Variants in ASAP1 observed in about 807,000 individuals in gnomAD.
The protein encoded by ASAP1 is arf-GAP with SH3 domain, ANK repeat and PH domain-containing protein 1.
Under a neutral mutation model 145.2 loss-of-function variants are expected in ASAP1, and 43 were observed. The observed-to-expected ratio is 0.30, with a 90% CI of 0.23 to 0.38. The LOEUF (loss-of-function observed/expected upper bound fraction) is 0.38, where lower values mean the gene tolerates loss of function less well. Among genes scored for constraint, ASAP1 ranks in the 10% least tolerant of loss-of-function variants. The pLI is 1.00. For synonymous variants in ASAP1, 546 were observed against 515.5 expected (o/e 1.06, Z -0.80); for missense variants, 1,018 against 1,355.3 (o/e 0.75, Z 3.91).
At chr8:130,132,575 G>A (rs1205255831) in intron 15 of ASAP1, among the ~76,000 whole-genome samples, 1 of 152,138 alleles carries the variant, frequency 6.6e-6, no homozygotes, top group Non-Finnish European at 1.5e-5. Context: ...GAGGGTGTGT[G>A]CCCCGAGTCT....
intron 3 of ASAP1, among the ~76,000 whole-genome samples, chr8:130,308,912 T>C (rs562648225): frequency 1.4e-4 from 21 of 152,028 alleles, no homozygotes; most frequent in Admixed American, 3.3e-4. Context: ...CACGGTGGTG[T>C]GCGCCTCAAA....
chr8:130,376,843 C>T (rs1218779060), intron 2 of ASAP1, among the ~76,000 whole-genome samples: 2 of 127,580 alleles, frequency 1.6e-5, no homozygotes, highest in Non-Finnish European at 3.1e-5. Flanking sequence ...GCAGAGGTTG[C>T]GGTGAGATGA....
At chr8:130,064,723 C>G (rs916338084) in intron 27 of ASAP1, among the ~76,000 whole-genome samples, 4 of 152,138 alleles carry the variant, frequency 2.6e-5, no homozygotes, top group Non-Finnish European at 5.9e-5. Context: ...GAGGCTCAGT[C>G]CCCCAGAATG....
chr8:130,302,879 T>C (rs905890814), intron 3 of ASAP1, among the ~76,000 whole-genome samples: 1 of 152,200 alleles, frequency 6.6e-6, no homozygotes, highest in African/African-American at 2.4e-5. Flanking sequence ...AAAGTTCTTC[T>C]TCCTGTGGAA....
chr8:130,341,049 A>ACAGT, intron 3 of ASAP1: 1 of 382,384 alleles, frequency 2.6e-6, no homozygotes, highest in South Asian at 2.0e-5. Context: ...TAAATGTGAT[A>ACAGT]CAGTAACACC....
intron 3 of ASAP1, among the ~76,000 whole-genome samples, chr8:130,317,433 G>A (rs76637511): frequency 1.3e-5 from 2 of 152,194 alleles, no homozygotes; most frequent in Non-Finnish European, 2.9e-5. Flanking sequence ...CAGGGTCTAC[G>A]ACTCACTTAG....
At chr8:130,345,871 A>T (rs1305721699) in intron 3 of ASAP1, among the ~76,000 whole-genome samples, 1 of 152,230 alleles carries the variant, frequency 6.6e-6, no homozygotes, top group Non-Finnish European at 1.5e-5. Flanking sequence ...CCAACAGAGG[A>T]CTGCAGGTTG....
At chr8:130,432,734 C>T (rs1381432032) in intron 1 of ASAP1, among the ~76,000 whole-genome samples, 4 of 152,248 alleles carry the variant, frequency 2.6e-5, no homozygotes, top group African/African-American at 9.6e-5. Context: ...GGGGCTTTTT[C>T]TTCCTACATG....
intron 3 of ASAP1, among the ~76,000 whole-genome samples, chr8:130,303,393 G>A (rs1294375793): frequency 6.6e-6 from 1 of 152,116 alleles, no homozygotes; most frequent in Non-Finnish European, 1.5e-5. Flanking sequence ...TGTTGCGGGG[G>A]TCTCCTGTGT....
chr8:130,153,355 ATATG>A (rs1292711193), intron 12 of ASAP1, among the ~76,000 whole-genome samples: 74 of 47,194 alleles, frequency 1.6e-3, no homozygotes, highest in African/African-American at 4.4e-3. Context: ...ATATATATAT[ATATG>A]TATATATATA....
chr8:130,254,036 G>A (rs1239297456), intron 3 of ASAP1, among the ~76,000 whole-genome samples: 1 of 151,994 alleles, frequency 6.6e-6, no homozygotes, highest in Non-Finnish European at 1.5e-5. Context: ...AAAAACCTAT[G>A]ACAATAAAAC....
intron 3 of ASAP1, among the ~76,000 whole-genome samples, chr8:130,333,495 T>C (rs947189780): frequency 1.3e-5 from 2 of 152,174 alleles, no homozygotes; most frequent in African/African-American, 4.8e-5. Flanking sequence ...TCCCAGCTAC[T>C]TGGGAGGCTG....
At chr8:130,318,962 A>C (rs1823837522) in intron 3 of ASAP1, among the ~76,000 whole-genome samples, 1 of 152,270 alleles carries the variant, frequency 6.6e-6, no homozygotes, top group Non-Finnish European at 1.5e-5. Context: ...AGCAGAATTA[A>C]AAGCTAGGAG....
rs1224370661 is a variant in ASAP1 at position 130,052,648 on chromosome 8, T to C, written c.*2083A>G. 1.3e-5 allele frequency: 2 copies of C among 150,418 alleles called. No individual in the cohort carries two copies. Among genetic ancestry groups the C allele is most frequent in the African/African-American group, 2.4e-5 (1 of 41,024 alleles). 9.3% of individuals were successfully genotyped at this position (150,418 alleles called of 1,614,324 possible). On this transcript the variant is annotated 3_prime_UTR_variant, in exon 30 of 30. Transcript: ENST00000518721. ...GAAAAAAAAGGTGTTAAAAATGCTG[T>C]GTAAGTTGCTGCAAAAGGGGAAAAA...
At chr8:130,062,685 A>G (rs1187834741) in intron 27 of ASAP1, among the ~76,000 whole-genome samples, 2 of 152,222 alleles carry the variant, frequency 1.3e-5, no homozygotes, top group Admixed American at 6.5e-5. Flanking sequence ...TGCAGCTCCA[A>G]TTCTAGGAAT....
chr8:130,081,271 G>A (rs746684437), intron 25 of ASAP1, among the ~76,000 whole-genome samples: 24 of 152,200 alleles, frequency 1.6e-4, no homozygotes, highest in Admixed American at 4.6e-4. Context: ...CTATGTCCAG[G>A]AGAGGGTCAC....
chr8:130,331,865 C>T (rs994394324), intron 3 of ASAP1, among the ~76,000 whole-genome samples: 1 of 152,084 alleles, frequency 6.6e-6, no homozygotes, highest in Non-Finnish European at 1.5e-5. Context: ...TCCACAAAAG[C>T]TGAAAAATGG....
Position 130,161,893 on chromosome 8 carries a change from C to G in ASAP1, c.910-1929G>C, listed in dbSNP as rs144417916. The stretch of plus-strand genomic sequence containing the variant: ...ACAGCTCACTGCGGCCTGAACCTCC[C>G]AAGCTGAAATGAGTCTCTCGCCTCA... On this transcript the variant is annotated intron_variant, in intron 11 of 29. Transcript: ENST00000518721. Among the ~76,000 whole-genome samples the G allele has an allele frequency of 9.4e-3, 1,426 of 152,264 alleles. 9 individuals are homozygous for G. The highest frequency in any genetic ancestry group is 0.015 in the Non-Finnish European group (1,004 of 68,020).
chr8:130,119,717 A>G (rs1431524892), intron 18 of ASAP1, among the ~76,000 whole-genome samples: 1 of 152,324 alleles, frequency 6.6e-6, no homozygotes, highest in East Asian at 1.9e-4. Flanking sequence ...TAAAGACAGT[A>G]AATGAACTTT....
Sources: allele counts gnomAD v4.1 joint callset (sites outside exome capture counted in the v4.1 genomes callset), GRCh38; gene constraint gnomAD v4.1.1; transcripts MANE v1.5; gene names NCBI Gene and HGNC (gene_info 2026-07-23, HGNC 2026-07-21).